APBB2: variants seen among roughly 807,000 people sequenced by gnomAD.
APBB2 encodes Fe65-like 1.
In APBB2, 38 loss-of-function variants were observed where a neutral mutation model predicts 82.5. The ratio of observed to expected loss-of-function variants is 0.46; its 90% CI spans 0.36 to 0.60. APBB2 has a LOEUF of 0.60. APBB2 is among the 20% of genes least tolerant of loss of function. APBB2 has a pLI of 0.00. For missense variants in APBB2, 772 were observed against 972.3 expected (o/e 0.79, Z 2.74); for synonymous variants, 341 against 368.2 (o/e 0.93, Z 0.85).
chr4:40,893,194 G>C, intron 11 of APBB2, 71 bp downstream of exon 11: 8 of 1,571,236 alleles, frequency 5.1e-6, no homozygotes, highest in Non-Finnish European at 6.9e-6. Flanking sequence ...ATGTGTCACT[G>C]AGCTGTGGGG....
intron 12 of APBB2, among the ~76,000 whole-genome samples, chr4:40,857,358 CCCTT>C (rs1331894704): frequency 6.6e-6 from 1 of 152,268 alleles, no homozygotes; most frequent in Non-Finnish European, 1.5e-5. Context: ...CCAACATACT[CCCTT>C]CCTGTAACGA....
chr4:40,996,881 G>C (rs1389272850), intron 6 of APBB2, among the ~76,000 whole-genome samples: 1 of 152,028 alleles, frequency 6.6e-6, no homozygotes, highest in Non-Finnish European at 1.5e-5. Flanking sequence ...TGATATTTAT[G>C]GTTTCTTTGA....
chr4:41,191,318 T>C (rs1299566671), intron 1 of APBB2, among the ~76,000 whole-genome samples: 2 of 152,182 alleles, frequency 1.3e-5, no homozygotes, highest in African/African-American at 4.8e-5. Flanking sequence ...TTATGAACAA[T>C]CTGCAACAAT....
At chr4:40,941,549 C>T (rs1786936360) in intron 7 of APBB2, among the ~76,000 whole-genome samples, 1 of 152,344 alleles carries the variant, frequency 6.6e-6, no homozygotes, top group African/African-American at 2.4e-5. Context: ...ACTCCTCAAC[C>T]TCTCTGTCTC....
intron 12 of APBB2, among the ~76,000 whole-genome samples, chr4:40,845,599 A>AG (rs1553935500): frequency 1.4e-5 from 2 of 147,952 alleles, no homozygotes; most frequent in East Asian, 3.9e-4. Flanking sequence ...AAAAAAAAAA[A>AG]AAAAAAAAAA....
chr4:40,930,457 G>C (rs1311899095), intron 10 of APBB2, among the ~76,000 whole-genome samples: 9 of 122,496 alleles, frequency 7.3e-5, no homozygotes, highest in Non-Finnish European at 1.2e-4. Context: ...GTGCGCGCGC[G>C]CGCGCGCGCG....
chr4:41,117,435 G>C (rs932873213), intron 2 of APBB2, among the ~76,000 whole-genome samples: 1 of 151,768 alleles, frequency 6.6e-6, no homozygotes, highest in African/African-American at 2.4e-5. Flanking sequence ...TGGGATTACA[G>C]GTGCCCACCA....
At chr4:41,195,976 C>A in intron 1 of APBB2, among the ~76,000 whole-genome samples, 1 of 152,126 alleles carries the variant, frequency 6.6e-6, no homozygotes, top group Non-Finnish European at 1.5e-5. Flanking sequence ...CTGGCTAACA[C>A]GGTGAAACCC....
intron 3 of APBB2, among the ~76,000 whole-genome samples, chr4:41,097,868 A>G (rs928245098): frequency 5.9e-5 from 9 of 152,214 alleles, no homozygotes; most frequent in African/African-American, 2.2e-4. Flanking sequence ...GAGGTTGTCT[A>G]GGGTTCTGAA....
chr4:41,143,259 T>C (rs1759748811), intron 1 of APBB2, 117 bp from the exon 2 acceptor site: 1 of 152,190 alleles, frequency 6.6e-6, no homozygotes. Flanking sequence ...TCAAAATCAT[T>C]ATAAACAGAG....
At chr4:40,985,660 CATT>C (rs1258997969) in intron 6 of APBB2, among the ~76,000 whole-genome samples, 1 of 152,172 alleles carries the variant, frequency 6.6e-6, no homozygotes, top group Non-Finnish European at 1.5e-5. Context: ...CCATTTCAGT[CATT>C]AGTAAAGGCA....
intron 4 of APBB2, among the ~76,000 whole-genome samples, chr4:41,046,686 C>T (rs1723557967): frequency 6.6e-6 from 1 of 152,156 alleles, no homozygotes; most frequent in Non-Finnish European, 1.5e-5. Context: ...AAGAAGAATG[C>T]ATGATTTTTT....
Position 41,142,370 on chromosome 4 carries a change from T to A in APBB2, c.-261+617A>T, listed in dbSNP as rs149481477. Among the ~76,000 whole-genome samples, 498 of 151,574 alleles carry A rather than the reference T, an allele frequency of 3.3e-3. 2 individuals carry two copies. Among genetic ancestry groups the A allele is most frequent in the African/African-American group, 0.012 (483 of 40,914 alleles). On this transcript the variant is annotated intron_variant, in intron 2 of 17. Coordinates refer to ENST00000508593, the MANE Select transcript of APBB2 (RefSeq NM_004307.2). ...AGCATTTGGCATTTATTTAAACACC[T>A]ATGTTTTTCAGGACATTCTCTTCCC... is the stretch of plus-strand genomic sequence containing the variant.
chr4:40,964,547 T>C (rs1794125435), intron 6 of APBB2, among the ~76,000 whole-genome samples: 4 of 151,972 alleles, frequency 2.6e-5, no homozygotes, highest in Admixed American at 6.6e-5. Flanking sequence ...TGCAGTTCAA[T>C]TAGAGGAATG....
At chr4:41,011,427 G>A (rs185415469) in intron 6 of APBB2, among the ~76,000 whole-genome samples, 4 of 150,728 alleles carry the variant, frequency 2.7e-5, no homozygotes, top group Non-Finnish European at 3.0e-5. Context: ...GATCCACTGC[G>A]CCTGGCCTAA....
chr4:40,930,312 T>C (rs1328335689), intron 10 of APBB2, among the ~76,000 whole-genome samples: 1 of 152,188 alleles, frequency 6.6e-6, no homozygotes, highest in Non-Finnish European at 1.5e-5. Context: ...CAGAATTATA[T>C]ACAAACACAC....
At chr4:40,926,786 ATGCATCTG>A (rs1411644752) in intron 10 of APBB2, among the ~76,000 whole-genome samples, 4 of 152,348 alleles carry the variant, frequency 2.6e-5, no homozygotes, top group African/African-American at 9.6e-5. Flanking sequence ...TTGGAATCAA[ATGCATCTG>A]TGTTTGAGTC....
At chr4:40,896,022 G>C (rs1773564007) in intron 10 of APBB2, among the ~76,000 whole-genome samples, 1 of 152,030 alleles carries the variant, frequency 6.6e-6, no homozygotes, top group African/African-American at 2.4e-5. Context: ...GATGGTGTTA[G>C]GATGATAAAC....
chr4:41,014,947 A>G (rs1252461625), intron 5 of APBB2, among the ~76,000 whole-genome samples: 1 of 152,200 alleles, frequency 6.6e-6, no homozygotes, highest in Admixed American at 6.5e-5. Flanking sequence ...ACCCTCCATT[A>G]GAGTTTGCTA....
Sources: allele counts gnomAD v4.1 joint callset (sites outside exome capture counted in the v4.1 genomes callset), GRCh38; gene constraint gnomAD v4.1.1; transcripts MANE v1.5; gene names NCBI Gene and HGNC (gene_info 2026-07-23, HGNC 2026-07-21).